The following SOX5 variants were observed in gnomAD, a reference collection of about 807,000 sequenced individuals.
The protein encoded by SOX5 is transcription factor SOX-5.
Under a neutral mutation model 92.0 loss-of-function variants are expected in SOX5, and 9 were observed. That is an observed-to-expected ratio of 0.10 (90% CI 0.06 to 0.17). The LOEUF (loss-of-function observed/expected upper bound fraction) is 0.17, where lower values mean the gene tolerates loss of function less well. SOX5 is among the 10% of genes least tolerant of loss of function. SOX5 has a pLI of 1.00. For synonymous variants in SOX5, 344 were observed against 336.3 expected (o/e 1.02, Z -0.25); for missense variants, 642 against 944.5 (o/e 0.68, Z 4.20).
chr12:24,481,684 G>C (rs1946015737), intron 1 of SOX5, among the ~76,000 whole-genome samples: 1 of 152,118 alleles, frequency 6.6e-6, no homozygotes, highest in Non-Finnish European at 1.5e-5. Flanking sequence ...GACATACAAA[G>C]ACACAACTAA....
chr12:23,578,143 A>AAAAAAAAAAAAAAC (rs1321080744), intron 9 of SOX5, among the ~76,000 whole-genome samples: 2 of 126,114 alleles, frequency 1.6e-5, no homozygotes, highest in Non-Finnish European at 3.5e-5. Flanking sequence ...AAAAAAAAAA[A>AAAAAAAAAAAAAAC]AAAAAAACTA....
At chr12:24,073,815 C>A (rs888232970) in intron 4 of SOX5, among the ~76,000 whole-genome samples, 1 of 152,108 alleles carries the variant, frequency 6.6e-6, no homozygotes, top group Non-Finnish European at 1.5e-5. Flanking sequence ...AAATAATACA[C>A]AATGAATTTA....
At chr12:24,358,283 G>A (rs576336807) in intron 2 of SOX5, among the ~76,000 whole-genome samples, 9 of 152,218 alleles carry the variant, frequency 5.9e-5, no homozygotes, top group South Asian at 2.1e-4. Context: ...AGCCAGGATC[G>A]AATGACTATT....
intron 4 of SOX5, among the ~76,000 whole-genome samples, chr12:24,153,290 G>T (rs1377315503): frequency 1.3e-5 from 2 of 152,068 alleles, no homozygotes; most frequent in Non-Finnish European, 2.9e-5. Context: ...CTCTGGCAAT[G>T]AGCTACTCAT....
intron 3 of SOX5, among the ~76,000 whole-genome samples, chr12:23,761,434 T>C (rs1269782871): frequency 6.6e-6 from 1 of 152,176 alleles, no homozygotes; most frequent in Non-Finnish European, 1.5e-5. Flanking sequence ...ACAGATTATG[T>C]AGTATTTTTA....
chr12:23,620,693 C>A (rs2077066523), intron 8 of SOX5, among the ~76,000 whole-genome samples: 2 of 152,070 alleles, frequency 1.3e-5, no homozygotes, highest in African/African-American at 4.8e-5. Flanking sequence ...ATAACACACT[C>A]CAATAGCACC....
Position 23,698,487 on chromosome 12 carries a change from T to C in SOX5, c.811-32923A>G, listed in dbSNP as rs374627465. 3.9e-5 allele frequency among the ~76,000 whole-genome samples: 6 copies of C among 152,308 alleles called. No individual in the cohort carries two copies. The East Asian group carries it at 9.6e-4, about 24-fold the overall frequency. ...CCATCCAGTATTTTCAGATCTCTGA[T>C]ATTGTACATTTTACCTCTGAAAGCT... On this transcript the variant is annotated intron_variant, in intron 6 of 14. Coordinates refer to ENST00000451604, the MANE Select transcript of SOX5 (RefSeq NM_006940.6).
chr12:24,474,783 G>A (rs556343710), intron 1 of SOX5, among the ~76,000 whole-genome samples: 1 of 151,704 alleles, frequency 6.6e-6, no homozygotes, highest in Non-Finnish European at 1.5e-5. Context: ...TGATCCACCC[G>A]CCTCAGCCTC....
At chr12:24,471,004 T>G (rs1944764819) in intron 1 of SOX5, among the ~76,000 whole-genome samples, 1 of 152,204 alleles carries the variant, frequency 6.6e-6, no homozygotes, top group South Asian at 2.1e-4. Flanking sequence ...CCATTACCAT[T>G]CACAAATAAG....
intron 4 of SOX5, among the ~76,000 whole-genome samples, chr12:24,011,637 C>T (rs1331911377): frequency 2.6e-5 from 4 of 152,114 alleles, no homozygotes; most frequent in Admixed American, 1.3e-4. Flanking sequence ...CTTGCTGTGC[C>T]TACAACCTGA....
At chr12:23,826,476 C>T (rs752764939) in intron 3 of SOX5, among the ~76,000 whole-genome samples, 6 of 152,138 alleles carry the variant, frequency 3.9e-5, no homozygotes, top group East Asian at 1.9e-4. Context: ...TGAGCAAACA[C>T]GTCTAATTCC....
At chr12:24,175,818 G>C (rs1954746177) in intron 4 of SOX5, among the ~76,000 whole-genome samples, 1 of 151,984 alleles carries the variant, frequency 6.6e-6, no homozygotes, top group African/African-American at 2.4e-5. Flanking sequence ...ATTATCTCCT[G>C]ACTGTACTAA....
intron 4 of SOX5, among the ~76,000 whole-genome samples, chr12:24,195,729 T>A (rs1002289982): frequency 6.6e-6 from 1 of 152,166 alleles, no homozygotes; most frequent in African/African-American, 2.4e-5. Context: ...ATTTTATGAA[T>A]CTGAAAAGTC....
intron 4 of SOX5, among the ~76,000 whole-genome samples, chr12:23,962,821 T>G (rs1326701862): frequency 6.6e-6 from 1 of 152,208 alleles, no homozygotes; most frequent in Non-Finnish European, 1.5e-5. Context: ...TGTTGATAGA[T>G]TTTCCTGTTG....
intron 4 of SOX5, among the ~76,000 whole-genome samples, chr12:24,051,248 TG>T (rs1407601900): frequency 2.6e-5 from 4 of 152,076 alleles, no homozygotes; most frequent in Admixed American, 2.0e-4. Context: ...TAGAAAAGAA[TG>T]TTTTTTTTCT....
intron 3 of SOX5, among the ~76,000 whole-genome samples, chr12:23,759,026 CACAG>C (rs1425272884): frequency 0.017 from 1,249 of 71,446 alleles, 16 homozygotes; most frequent in African/African-American, 0.053. Flanking sequence ...CACACACACA[CACAG>C]ACACACACAC....
At chr12:23,928,520 T>C (rs1411071731) in intron 1 of SOX5, among the ~76,000 whole-genome samples, 12 of 151,988 alleles carry the variant, frequency 7.9e-5, no homozygotes, top group Admixed American at 7.9e-4. Flanking sequence ...ATTTTATTCA[T>C]TGTTAAGCTG....
chr12:24,509,914 C>T (rs1443842722), intron 1 of SOX5, among the ~76,000 whole-genome samples: 2 of 152,200 alleles, frequency 1.3e-5, no homozygotes, highest in African/African-American at 2.4e-5. Flanking sequence ...AAAGTCCAGG[C>T]AATGACTGAC....
At chr12:24,343,210 C>T (rs558458228) in intron 2 of SOX5, among the ~76,000 whole-genome samples, 1 of 152,272 alleles carries the variant, frequency 6.6e-6, no homozygotes, top group South Asian at 2.1e-4. Flanking sequence ...TGTCTTCCTC[C>T]ACTCTCTGTG....
Sources: allele counts gnomAD v4.1 joint callset (sites outside exome capture counted in the v4.1 genomes callset), GRCh38; gene constraint gnomAD v4.1.1; transcripts MANE v1.5; gene names NCBI Gene and HGNC (gene_info 2026-07-23, HGNC 2026-07-21).